Variants in IQCJ observed in about 807,000 individuals in gnomAD.
The protein encoded by IQCJ is IQ motif containing J, also known as IQ domain-containing protein J.
A neutral mutation model predicts 11.0 loss-of-function variants in IQCJ; 9 were observed. The observed-to-expected ratio is 0.82, with a 90% confidence interval of 0.49 to 1.43. IQCJ has a LOEUF of 1.43. Ranked by LOEUF, IQCJ falls within the 40% of genes most tolerant of loss-of-function variation. The pLI, the probability that IQCJ is intolerant of heterozygous loss-of-function variation, is 0.00. For missense variants in IQCJ, 146 were observed against 133.2 expected (o/e 1.10, Z -0.47); for synonymous variants, 55 against 51.3 (o/e 1.07, Z -0.31).
intron 1 of IQCJ, among the ~76,000 whole-genome samples, chr3:159,198,924 T>C (rs529469086): frequency 6.6e-6 from 1 of 152,350 alleles, no homozygotes; most frequent in South Asian, 2.1e-4. Context: ...TCTTCTCTTC[T>C]TCTGGGTATC....
chr3:159,083,632 C>G (rs1716488390), intron 1 of IQCJ, among the ~76,000 whole-genome samples: 1 of 152,084 alleles, frequency 6.6e-6, no homozygotes, highest in Admixed American at 6.6e-5. Context: ...AAAATGAAAA[C>G]TGTATTCACA....
intron 1 of IQCJ, among the ~76,000 whole-genome samples, chr3:159,162,270 G>C (rs1178816384): frequency 6.6e-5 from 10 of 152,096 alleles, no homozygotes; most frequent in Non-Finnish European, 1.5e-4. Context: ...TGGATTCCTA[G>C]GTATTTTATT....
At chr3:159,105,346 A>G (rs1718187658) in intron 1 of IQCJ, among the ~76,000 whole-genome samples, 1 of 152,162 alleles carries the variant, frequency 6.6e-6, no homozygotes. Context: ...GATATCTACC[A>G]TTGCTTTGTC....
intron 1 of IQCJ, among the ~76,000 whole-genome samples, chr3:159,206,073 G>C (rs1232288567): frequency 6.6e-6 from 1 of 152,054 alleles, no homozygotes; most frequent in African/African-American, 2.4e-5. Context: ...GGGAGTGTTA[G>C]CCTGGGCCAA....
chr3:159,233,850 T>C (rs1051058136), intron 1 of IQCJ, among the ~76,000 whole-genome samples: 4 of 152,146 alleles, frequency 2.6e-5, no homozygotes, highest in Admixed American at 2.6e-4. Context: ...CCCCACATAG[T>C]ATTGTATAGG....
chr3:159,114,262 A>AC lies in IQCJ; in HGVS notation c.9+44822dup, dbSNP rs1718815216. On this transcript the variant is annotated intron_variant, in intron 1 of 3. Transcript: ENST00000397832. The stretch of plus-strand genomic sequence containing the variant: ...GTATGAATAATCTTTTGTATCTCAC[A>AC]CTTATCAGTGACATAGGTTTAATTT... Among the ~76,000 whole-genome samples the AC allele has an allele frequency of 2.0e-5, 3 of 151,174 alleles. No individual in the cohort carries two copies. In the East Asian group the frequency reaches 5.8e-4, roughly 29 times the overall value.
chr3:159,204,790 A>C (rs1724549610), intron 1 of IQCJ, among the ~76,000 whole-genome samples: 1 of 152,176 alleles, frequency 6.6e-6, no homozygotes, highest in African/African-American at 2.4e-5. Flanking sequence ...TGTGAGTGTG[A>C]GTGTGAATGA....
At chr3:159,227,695 A>G (rs914257182) in intron 1 of IQCJ, among the ~76,000 whole-genome samples, 3 of 152,220 alleles carry the variant, frequency 2.0e-5, no homozygotes, top group Admixed American at 6.5e-5. Context: ...CATTCCTCAA[A>G]GAGGATTATT....
intron 2 of IQCJ, among the ~76,000 whole-genome samples, chr3:159,250,288 A>T (rs527975611): frequency 2.0e-4 from 30 of 152,230 alleles, no homozygotes; most frequent in African/African-American, 7.0e-4. Context: ...TGAAAGTTTT[A>T]TTTTCTTTAT....
chr3:159,225,613 A>C (rs1249646944), intron 1 of IQCJ, among the ~76,000 whole-genome samples: 2 of 152,216 alleles, frequency 1.3e-5, no homozygotes, highest in Non-Finnish European at 2.9e-5. Context: ...CTATTAAAGA[A>C]TAAAACTTGT....
At chr3:159,200,047 T>TATATATAA in intron 1 of IQCJ, among the ~76,000 whole-genome samples, 1 of 139,916 alleles carries the variant, frequency 7.1e-6, no homozygotes, top group East Asian at 2.1e-4. Context: ...TATATATATA[T>TATATATAA]AAATCTAAAT....
intron 1 of IQCJ, among the ~76,000 whole-genome samples, chr3:159,123,644 C>T (rs781617214): frequency 6.6e-6 from 1 of 152,034 alleles, no homozygotes; most frequent in Admixed American, 6.5e-5. Flanking sequence ...CACTAAGGGC[C>T]GATCACTCCA....
At chr3:159,135,449 A>G (rs1720233815) in intron 1 of IQCJ, among the ~76,000 whole-genome samples, 1 of 152,210 alleles carries the variant, frequency 6.6e-6, no homozygotes, top group Non-Finnish European at 1.5e-5. Flanking sequence ...CAGAGGCTTA[A>G]TAAACAGTCA....
chr3:159,223,369 A>G (rs1725659795), intron 1 of IQCJ, among the ~76,000 whole-genome samples: 1 of 152,190 alleles, frequency 6.6e-6, no homozygotes, highest in African/African-American at 2.4e-5. Flanking sequence ...GATAAAAAGG[A>G]GTATAATATA....
chr3:159,189,210 G>A (rs1723543869), intron 1 of IQCJ, among the ~76,000 whole-genome samples: 1 of 152,178 alleles, frequency 6.6e-6, no homozygotes, highest in Admixed American at 6.5e-5. Context: ...CGGGTAACTT[G>A]CTTCATCCTG....
At position 159,126,924 on chromosome 3, in the gene IQCJ, A is replaced by G. The variant is rs142669850; in HGVS notation, c.9+57483A>G. 2.0e-5 allele frequency among the ~76,000 whole-genome samples: 3 copies of G among 152,330 alleles called. No homozygotes were observed. In the East Asian group the frequency reaches 5.8e-4, roughly 29 times the overall value. On this transcript the variant is annotated intron_variant, in intron 1 of 3. Transcript: ENST00000397832. Reference sequence around the variant, plus strand: ...GAAAATGAGGGCAAGCCAAAGACCAATGACTGACATAGGTGGGTCAGCCGG... The same window carrying G: ...GAAAATGAGGGCAAGCCAAAGACCAGTGACTGACATAGGTGGGTCAGCCGG...
chr3:159,069,771 A>C (rs1423710465), intron 1 of IQCJ: 1 of 528,434 alleles, frequency 1.9e-6, no homozygotes, highest in Non-Finnish European at 3.6e-6. Context: ...AACAGCAAGT[A>C]GAGGAAAAAT....
intron 1 of IQCJ, among the ~76,000 whole-genome samples, chr3:159,131,697 T>A (rs574356259): frequency 3.9e-5 from 6 of 152,296 alleles, no homozygotes; most frequent in African/African-American, 1.4e-4. Flanking sequence ...TCTGCACTCC[T>A]TTCATTAAGG....
intron 1 of IQCJ, among the ~76,000 whole-genome samples, chr3:159,194,142 G>C (rs572725245): frequency 5.9e-5 from 9 of 152,196 alleles, no homozygotes; most frequent in Non-Finnish European, 1.2e-4. Context: ...CTGTAACTCA[G>C]CCTCTTCTTC....
Sources: allele counts gnomAD v4.1 joint callset (sites outside exome capture counted in the v4.1 genomes callset), GRCh38; gene constraint gnomAD v4.1.1; transcripts MANE v1.5; gene names NCBI Gene and HGNC (gene_info 2026-07-23, HGNC 2026-07-21).